Variants in AGBL4 observed in about 807,000 individuals in gnomAD.
AGBL4 encodes cytosolic carboxypeptidase 6.
In AGBL4, 58 loss-of-function variants were observed where a neutral mutation model predicts 66.4. The observed-to-expected ratio is 0.87, with a 90% CI of 0.71 to 1.09. The LOEUF is 1.09. Among genes scored for constraint, AGBL4 ranks in the 50% least tolerant of loss-of-function variants. The probability of loss-of-function intolerance (pLI) is 0.00; values close to 1 mark genes in which losing one functional copy is unlikely to be tolerated. For missense variants in AGBL4, 579 were observed against 631.0 expected (o/e 0.92, Z 0.88); for synonymous variants, 234 against 222.9 (o/e 1.05, Z -0.44).
chr1:49,699,940 T>C (rs1295455986), intron 2 of AGBL4, among the ~76,000 whole-genome samples: 1 of 151,872 alleles, frequency 6.6e-6, no homozygotes, highest in Non-Finnish European at 1.5e-5. Flanking sequence ...TATGAGATAA[T>C]GAATATGCTA....
chr1:49,016,750 G>T (rs1368059484), intron 5 of AGBL4, among the ~76,000 whole-genome samples: 2 of 152,216 alleles, frequency 1.3e-5, no homozygotes, highest in African/African-American at 4.8e-5. Context: ...TGCCTTCCCA[G>T]CTGTTACTAC....
chr1:49,554,128 G>C (rs931102191), intron 3 of AGBL4, among the ~76,000 whole-genome samples: 1 of 152,132 alleles, frequency 6.6e-6, no homozygotes, highest in Non-Finnish European at 1.5e-5. Context: ...GCAAGATCCT[G>C]TCTAGAAACA....
intron 2 of AGBL4, among the ~76,000 whole-genome samples, chr1:49,835,412 T>C (rs773703265): frequency 8.5e-5 from 13 of 152,326 alleles, no homozygotes; most frequent in Non-Finnish European, 1.6e-4. Flanking sequence ...TTTTTTCCTA[T>C]CCATTTGCTT....
chr1:48,617,415 C>T (rs1035078017), intron 9 of AGBL4, among the ~76,000 whole-genome samples: 11 of 152,184 alleles, frequency 7.2e-5, no homozygotes, highest in Admixed American at 3.3e-4. Flanking sequence ...GCCCACAAAC[C>T]TCTAACAGTT....
chr1:49,872,973 TTTTC>T (rs933416896), intron 1 of AGBL4, among the ~76,000 whole-genome samples: 2 of 151,984 alleles, frequency 1.3e-5, no homozygotes, highest in African/African-American at 2.4e-5. Flanking sequence ...GTTTTCAAAT[TTTTC>T]TTTCTTTCTT....
At chr1:49,589,947 T>A (rs181270315) in intron 3 of AGBL4, among the ~76,000 whole-genome samples, 70 of 152,200 alleles carry the variant, frequency 4.6e-4, no homozygotes, top group Non-Finnish European at 6.9e-4. Context: ...CCTATAGTAA[T>A]AAATTGACAG....
chr1:49,892,232 C>T (rs191255543), intron 1 of AGBL4, among the ~76,000 whole-genome samples: 33 of 152,292 alleles, frequency 2.2e-4, no homozygotes, highest in Non-Finnish European at 3.5e-4. Context: ...ACTATATTAT[C>T]AATTTATAAA....
At position 48,921,646 on chromosome 1, in the gene AGBL4, T is replaced by C. The variant is rs138884290; in HGVS notation, c.595-54416A>G. ...CCAAATAATATTAACAGTATAATCA[T>C]GATAACAATACAAGTAGTCACAATA... On this transcript the variant is annotated intron_variant, in intron 5 of 13. Coordinates refer to ENST00000371839, the MANE Select transcript of AGBL4 (RefSeq NM_032785.4). 4.7e-4 allele frequency among the ~76,000 whole-genome samples: 71 copies of C among 152,310 alleles called. 1 individual carries two copies. The South Asian group carries it at 9.9e-3, about 21-fold the overall frequency.
At chr1:49,396,825 C>T (rs998880886) in intron 3 of AGBL4, among the ~76,000 whole-genome samples, 4 of 152,132 alleles carry the variant, frequency 2.6e-5, no homozygotes, top group African/African-American at 9.7e-5. Flanking sequence ...TAAGATAGGG[C>T]TTCAATAAAT....
At chr1:48,958,723 A>T (rs1657707726) in intron 5 of AGBL4, among the ~76,000 whole-genome samples, 1 of 152,200 alleles carries the variant, frequency 6.6e-6, no homozygotes, top group Admixed American at 6.5e-5. Flanking sequence ...CTAAGCTTAG[A>T]CCACTCCTCA....
At position 49,039,679 on chromosome 1, in the gene AGBL4, A is replaced by C. The variant is rs561090599; in HGVS notation, c.594+5905T>G. 1.3e-3 allele frequency among the ~76,000 whole-genome samples: 205 copies of C among 152,210 alleles called. 1 individual carries two copies. Among genetic ancestry groups the C allele is most frequent in the Middle Eastern group, 6.8e-3 (2 of 294 alleles). On this transcript the variant is annotated intron_variant, in intron 5 of 13. Transcript: ENST00000371839. ...CTTCGGCCCTTACTTTATTCCACAT[A>C]AAAAACTAACTCACAATGAACTATA...
At position 48,534,268 on chromosome 1, in the gene AGBL4, G is replaced by A; in HGVS notation, c.1417C>T (p.His473Tyr). Residue 473 changes from histidine to tyrosine, a missense_variant, in exon 14 of 14, where the codon CAC becomes TAC. Physicochemically the swap from His to Tyr is moderately conservative, Grantham distance 83. Transcript: ENST00000371839. ...RRKEKSPPYK[H>Y]PLLRGPASNY... ...CTGGCTGGGCCCCGCAGGAGTGGGT[G>A]CTTGTAAGGAGGGGATTTTTCTTTC... The A allele has an allele frequency of 6.4e-7, 1 of 1,551,384 alleles. No homozygotes were observed. Among genetic ancestry groups the A allele is most frequent in the Non-Finnish European group, 8.7e-7 (1 of 1,146,884 alleles).
chr1:49,932,112 T>C (rs1416549804), intron 1 of AGBL4, among the ~76,000 whole-genome samples: 1 of 152,104 alleles, frequency 6.6e-6, no homozygotes, highest in African/African-American at 2.4e-5. Flanking sequence ...TCCCACACAA[T>C]TCAAATAAGG....
intron 6 of AGBL4, among the ~76,000 whole-genome samples, chr1:48,843,273 T>G (rs531744384): frequency 2.6e-5 from 4 of 152,284 alleles, no homozygotes; most frequent in Admixed American, 2.6e-4. Flanking sequence ...TTAGGGTTAT[T>G]GAACTATGTG....
intron 3 of AGBL4, among the ~76,000 whole-genome samples, chr1:49,365,417 G>A (rs1001998649): frequency 4.0e-5 from 6 of 151,724 alleles, no homozygotes; most frequent in East Asian, 1.9e-4. Context: ...ATGAGAAAAC[G>A]TCTATAAAGA....
intron 3 of AGBL4, among the ~76,000 whole-genome samples, chr1:49,664,773 T>C (rs561262481): frequency 6.6e-6 from 1 of 152,244 alleles, no homozygotes; most frequent in African/African-American, 2.4e-5. Flanking sequence ...TAGCCATGGA[T>C]ATATATTAAC....
chr1:49,531,832 A>T (rs879378485), intron 3 of AGBL4, among the ~76,000 whole-genome samples: 1 of 152,118 alleles, frequency 6.6e-6, no homozygotes. Flanking sequence ...ATCTCACCCC[A>T]TAAGAGGCTC....
chr1:49,338,618 C>A (rs900739089), intron 3 of AGBL4, among the ~76,000 whole-genome samples: 3 of 152,112 alleles, frequency 2.0e-5, no homozygotes, highest in Non-Finnish European at 4.4e-5. Flanking sequence ...AGAGGCTGGT[C>A]CATATCTGTG....
chr1:48,978,725 C>T (rs1659531887), intron 5 of AGBL4, among the ~76,000 whole-genome samples: 1 of 152,104 alleles, frequency 6.6e-6, no homozygotes, highest in Admixed American at 6.6e-5. Flanking sequence ...TGTTGAAATG[C>T]TTAGTGTAAT....
Sources: gnomAD v4.1 joint callset for allele counts (sites outside exome capture counted in the v4.1 genomes callset) on GRCh38, gnomAD v4.1.1 for gene constraint, MANE v1.5 for transcripts, NCBI Gene and HGNC (gene_info 2026-07-23, HGNC 2026-07-21) for gene names.